KRABD5: variants seen among roughly 807,000 people sequenced by gnomAD.
The protein encoded by KRABD5 is KRAB domain-containing protein 5.
At chr16:31,749,340 A>G in the KRABD5 span, among the ~76,000 whole-genome samples, 2 of 152,168 alleles carry the variant, frequency 1.3e-5, no homozygotes, top group Non-Finnish European at 2.9e-5. Context: ...GCCTGGAGCT[A>G]TAGAGGTGGA....
chr16:31,715,301 G>T, the KRABD5 span, among the ~76,000 whole-genome samples: 2 of 152,334 alleles, frequency 1.3e-5, no homozygotes, highest in Admixed American at 1.3e-4. Context: ...AGGAGAGTTT[G>T]TGGCTTTGTG....
At chr16:31,749,861 G>A in the KRABD5 span, among the ~76,000 whole-genome samples, 2 of 152,098 alleles carry the variant, frequency 1.3e-5, no homozygotes, top group Non-Finnish European at 2.9e-5. Flanking sequence ...GCCTCCGAAC[G>A]CTACTGTTTC....
At chr16:31,754,878 A>G in the KRABD5 span, 1 of 462,688 alleles carries the variant, frequency 2.2e-6, no homozygotes, top group African/African-American at 2.0e-5. Context: ...GAGAAACCAT[A>G]CAAATGTAAA....
chr16:31,759,471 A>C, the KRABD5 span: 47 of 1,441,616 alleles, frequency 3.3e-5, 1 homozygote, highest in Non-Finnish European at 4.4e-5. Context: ...AAAGGGGTGA[A>C]GTTTATATGG....
the KRABD5 span, among the ~76,000 whole-genome samples, chr16:31,721,273 A>T: frequency 6.6e-6 from 1 of 152,062 alleles, no homozygotes; most frequent in East Asian, 1.9e-4. Flanking sequence ...TATAGTTACC[A>T]TTTCTATGTA....
At chr16:31,731,356 G>A in the KRABD5 span, among the ~76,000 whole-genome samples, 1 of 93,566 alleles carries the variant, frequency 1.1e-5, no homozygotes, top group Admixed American at 9.4e-5. Context: ...TCTTCTCTGG[G>A]AAGACAACTT....
the KRABD5 span, chr16:31,713,287 C>G: frequency 4.3e-6 from 5 of 1,150,052 alleles, no homozygotes; most frequent in South Asian, 5.5e-5. Flanking sequence ...AGAGCTCAGT[C>G]TCTTCACCAG....
chr16:31,737,874 A>G, the KRABD5 span, among the ~76,000 whole-genome samples: 1 of 152,168 alleles, frequency 6.6e-6, no homozygotes, highest in African/African-American at 2.4e-5. Flanking sequence ...TTCCATTAAT[A>G]TTTTGATGGA....
chr16:31,746,960 C>G, the KRABD5 span, among the ~76,000 whole-genome samples: 1 of 151,460 alleles, frequency 6.6e-6, no homozygotes, highest in Non-Finnish European at 1.5e-5. Context: ...TGTTTCTCAG[C>G]TCCATCAGGT....
the KRABD5 span, among the ~76,000 whole-genome samples, chr16:31,733,162 A>C: frequency 6.6e-6 from 1 of 152,066 alleles, no homozygotes; most frequent in Admixed American, 6.5e-5. Context: ...ATAAAATACT[A>C]CGTGTTATTC....
the KRABD5 span, among the ~76,000 whole-genome samples, chr16:31,737,710 T>G: frequency 1.3e-5 from 2 of 152,178 alleles, no homozygotes; most frequent in South Asian, 2.1e-4. Context: ...TTGAGTACAA[T>G]AGCTATGTAG....
the KRABD5 span, among the ~76,000 whole-genome samples, chr16:31,736,581 G>A: frequency 2.0e-5 from 3 of 148,628 alleles, no homozygotes; most frequent in Admixed American, 6.7e-5. Flanking sequence ...GCAATGGCGC[G>A]ATTTTGGCTT....
At chr16:31,740,104 A>C in the KRABD5 span, among the ~76,000 whole-genome samples, 3 of 152,208 alleles carry the variant, frequency 2.0e-5, no homozygotes, top group Non-Finnish European at 4.4e-5. Context: ...GGGGGCTCTT[A>C]GCTCTGAAGG....
the KRABD5 span, among the ~76,000 whole-genome samples, chr16:31,733,813 G>A: frequency 6.6e-6 from 1 of 152,166 alleles, no homozygotes; most frequent in South Asian, 2.1e-4. Flanking sequence ...CATTTTGATT[G>A]CTTCCAGGTA....
chr16:31,715,906 G>A, the KRABD5 span, among the ~76,000 whole-genome samples: 1 of 152,208 alleles, frequency 6.6e-6, no homozygotes, highest in South Asian at 2.1e-4. Context: ...ACATTGTCCT[G>A]TGATTCCACG....
chr16:31,751,577 T>C, the KRABD5 span, among the ~76,000 whole-genome samples: 2 of 152,214 alleles, frequency 1.3e-5, no homozygotes, highest in Non-Finnish European at 1.5e-5. Context: ...CATAGAAGTC[T>C]CTGAGAATCT....
the KRABD5 span, among the ~76,000 whole-genome samples, chr16:31,731,472 C>T: frequency 0.61 from 92,420 of 151,980 alleles, 29,109 homozygotes; most frequent in Middle Eastern, 0.73. Context: ...GTGGCTCCTG[C>T]GGAGTCTCTG....
the KRABD5 span, chr16:31,723,243 T>C: frequency 6.2e-7 from 1 of 1,610,374 alleles, no homozygotes; most frequent in African/African-American, 1.3e-5. Context: ...CATGTGACTT[T>C]TTCTAATAAA....
the KRABD5 span, among the ~76,000 whole-genome samples, chr16:31,744,056 A>G: frequency 1.3e-5 from 2 of 152,180 alleles, no homozygotes; most frequent in Non-Finnish European, 2.9e-5. Context: ...ATATAAAATT[A>G]TGTCATCTGC....
Sources: allele counts gnomAD v4.1 joint callset (sites outside exome capture counted in the v4.1 genomes callset), GRCh38; gene constraint gnomAD v4.1.1; transcripts MANE v1.5; gene names NCBI Gene and HGNC (gene_info 2026-07-23, HGNC 2026-07-21).